The following PACRG variants were observed in gnomAD, a reference collection of about 807,000 sequenced individuals.
The protein encoded by PACRG is parkin coregulated, also known as parkin coregulated gene protein.
In PACRG, 29 loss-of-function variants were observed where a neutral mutation model predicts 29.7. The ratio of observed to expected loss-of-function variants is 0.98; its 90% CI spans 0.73 to 1.33. PACRG has a LOEUF of 1.33. PACRG is among the 40% of genes most tolerant of loss of function. The pLI is 0.00. For synonymous variants in PACRG, 116 were observed against 118.7 expected (o/e 0.98, Z 0.15); for missense variants, 279 against 316.2 (o/e 0.88, Z 0.89).
chr6:163,283,908 A>T (rs2128184655), intron 4 of PACRG, among the ~76,000 whole-genome samples: 1 of 152,220 alleles, frequency 6.6e-6, no homozygotes, highest in Non-Finnish European at 1.5e-5. Context: ...GAGGTCAGGA[A>T]TTTGAGGCCA....
chr6:162,962,830 G>T (rs1282992416), intron 2 of PACRG, among the ~76,000 whole-genome samples: 1 of 152,200 alleles, frequency 6.6e-6, no homozygotes, highest in Non-Finnish European at 1.5e-5. Context: ...AATGGATAGT[G>T]ACTGAAGAAC....
At chr6:163,309,808 C>G (rs1785339840) in intron 4 of PACRG, among the ~76,000 whole-genome samples, 1 of 152,150 alleles carries the variant, frequency 6.6e-6, no homozygotes, top group Non-Finnish European at 1.5e-5. Flanking sequence ...TCTCGCTGTT[C>G]CCTTTGAGAG....
At chr6:163,038,856 A>G (rs1246184203) in intron 2 of PACRG, among the ~76,000 whole-genome samples, 2 of 152,368 alleles carry the variant, frequency 1.3e-5, no homozygotes, top group Admixed American at 6.5e-5. Context: ...TAGGAAACAC[A>G]TAGAACACAG....
intron 1 of PACRG, among the ~76,000 whole-genome samples, chr6:162,791,314 T>TTG (rs1554279970): frequency 2.7e-5 from 4 of 150,384 alleles, no homozygotes; most frequent in Non-Finnish European, 5.9e-5. Flanking sequence ...TTTGTTTGTT[T>TTG]TTTTTTTTTT....
chr6:162,830,638 T>C (rs534174650), intron 2 of PACRG, among the ~76,000 whole-genome samples: 1 of 152,362 alleles, frequency 6.6e-6, no homozygotes, highest in Admixed American at 6.5e-5. Context: ...CATCCAGTAA[T>C]AGCTCCAAAT....
At chr6:163,213,388 T>C (rs1781232886) in intron 4 of PACRG, among the ~76,000 whole-genome samples, 1 of 152,170 alleles carries the variant, frequency 6.6e-6, no homozygotes, top group South Asian at 2.1e-4. Context: ...CATGTGATTC[T>C]GGATTGATCT....
At chr6:163,226,660 C>T (rs1184703862) in intron 4 of PACRG, among the ~76,000 whole-genome samples, 1 of 152,040 alleles carries the variant, frequency 6.6e-6, no homozygotes, top group Admixed American at 6.5e-5. Flanking sequence ...GAAGGGGTAA[C>T]CTTGAGTGAA....
intron 2 of PACRG, among the ~76,000 whole-genome samples, chr6:162,927,661 A>G (rs143072855): frequency 6.1e-4 from 93 of 152,098 alleles, no homozygotes; most frequent in African/African-American, 2.0e-3. Flanking sequence ...GAGGGAGAGC[A>G]TCAGGGTAAA....
chr6:162,820,994 T>C (rs1039253945), intron 2 of PACRG, among the ~76,000 whole-genome samples: 8 of 152,224 alleles, frequency 5.3e-5, no homozygotes, highest in Admixed American at 2.0e-4. Context: ...GCAATGAGTG[T>C]ACTATTCTTA....
intron 2 of PACRG, among the ~76,000 whole-genome samples, chr6:162,984,147 A>C (rs1345685075): frequency 6.6e-6 from 1 of 151,890 alleles, no homozygotes; most frequent in Non-Finnish European, 1.5e-5. Flanking sequence ...ACAGTGTCCA[A>C]TGTGTAGTCT....
intron 2 of PACRG, among the ~76,000 whole-genome samples, chr6:162,967,933 C>T (rs1801185932): frequency 6.6e-6 from 1 of 152,110 alleles, no homozygotes; most frequent in South Asian, 2.1e-4. Context: ...AAAGCTAAAT[C>T]ATTGTTTATA....
chr6:162,870,573 C>A (rs1029377237), intron 2 of PACRG, among the ~76,000 whole-genome samples: 9 of 152,144 alleles, frequency 5.9e-5, no homozygotes, highest in Non-Finnish European at 1.2e-4. Context: ...TTCCTGACCC[C>A]CTTCCCATGC....
chr6:162,764,261 C>T (rs1782606268), intron 1 of PACRG, among the ~76,000 whole-genome samples: 1 of 151,852 alleles, frequency 6.6e-6, no homozygotes, highest in African/African-American at 2.4e-5. Flanking sequence ...GGTGACAGAG[C>T]GAGACTCCAT....
At chr6:162,814,318 C>A in intron 2 of PACRG, 37 bp downstream of exon 2, 1 of 1,606,438 alleles carries the variant, frequency 6.2e-7, no homozygotes, top group Non-Finnish European at 8.5e-7. Flanking sequence ...CAGCTGCACC[C>A]GCTGAAGTGA....
intron 2 of PACRG, among the ~76,000 whole-genome samples, chr6:162,879,060 A>T (rs1793610163): frequency 6.6e-6 from 1 of 152,198 alleles, no homozygotes; most frequent in African/African-American, 2.4e-5. Context: ...TACAGTCTAA[A>T]TGCCTTCCTT....
intron 2 of PACRG, among the ~76,000 whole-genome samples, chr6:163,031,424 G>A (rs1017849861): frequency 6.6e-6 from 1 of 152,160 alleles, no homozygotes; most frequent in East Asian, 1.9e-4. Flanking sequence ...GAGATCACTG[G>A]TTGGTTTGCA....
intron 1 of PACRG, among the ~76,000 whole-genome samples, chr6:162,779,858 A>G (rs145511728): frequency 6.6e-6 from 1 of 152,204 alleles, no homozygotes; most frequent in Non-Finnish European, 1.5e-5. Flanking sequence ...AACATCAGGC[A>G]ATGAAGGACA....
At chr6:162,803,540 C>G (rs1278722691) in intron 1 of PACRG, among the ~76,000 whole-genome samples, 1 of 152,126 alleles carries the variant, frequency 6.6e-6, no homozygotes, top group African/African-American at 2.4e-5. Flanking sequence ...AAAGAAAAGA[C>G]AGAGACTTTC....
intron 4 of PACRG, among the ~76,000 whole-genome samples, chr6:163,094,430 T>A (rs767995852): frequency 1.3e-5 from 2 of 152,180 alleles, no homozygotes; most frequent in Non-Finnish European, 2.9e-5. Context: ...GATTTGGAAT[T>A]GTCATGCATA....
Sources: gnomAD v4.1 joint callset for allele counts (sites outside exome capture counted in the v4.1 genomes callset) on GRCh38, gnomAD v4.1.1 for gene constraint, MANE v1.5 for transcripts, NCBI Gene and HGNC (gene_info 2026-07-23, HGNC 2026-07-21) for gene names.